AKAP13: variants seen among roughly 807,000 people sequenced by gnomAD.
The protein encoded by AKAP13 is A-kinase anchoring protein 13.
In AKAP13, 80 loss-of-function variants were observed where a neutral mutation model predicts 264.5. The ratio of observed to expected loss-of-function variants is 0.30; its 90% confidence interval spans 0.25 to 0.36. The LOEUF is 0.36. AKAP13 is among the 10% of genes least tolerant of loss of function. The pLI is 1.00. For synonymous variants in AKAP13, 1,380 were observed against 1,250.2 expected (o/e 1.10, Z -2.19); for missense variants, 3,712 against 3,435.2 (o/e 1.08, Z -2.01).
chr15:85,582,173 T>C (rs2079153160), intron 7 of AKAP13, 66 bp downstream of exon 7: 1 of 1,484,070 alleles, frequency 6.7e-7, no homozygotes, highest in African/African-American at 1.4e-5. Flanking sequence ...CACTGTGGTG[T>C]CCTGGTAAAA....
chr15:85,615,823 G>C (rs1274305074), intron 8 of AKAP13, among the ~76,000 whole-genome samples: 1 of 152,136 alleles, frequency 6.6e-6, no homozygotes, highest in Admixed American at 6.5e-5. Context: ...TCTCAGACTG[G>C]CAGTATATAA....
intron 14 of AKAP13, among the ~76,000 whole-genome samples, chr15:85,674,550 G>A (rs957494221): frequency 6.6e-6 from 1 of 152,138 alleles, no homozygotes; most frequent in African/African-American, 2.4e-5. Flanking sequence ...TTTGCTTATG[G>A]CATGTGAGTT....
chr15:85,730,983 A>C (rs2151751611), intron 30 of AKAP13, among the ~76,000 whole-genome samples: 1 of 138,990 alleles, frequency 7.2e-6, no homozygotes, highest in South Asian at 2.4e-4. Context: ...CTGTTTTTTA[A>C]TTAGTCACTT....
intron 33 of AKAP13, among the ~76,000 whole-genome samples, chr15:85,737,068 G>A (rs1186994404): frequency 6.6e-6 from 1 of 151,872 alleles, no homozygotes; most frequent in Non-Finnish European, 1.5e-5. Context: ...ATAGGCATAC[G>A]CCACTACACC....
At chr15:85,415,384 C>G in intron 1 of AKAP13, 1 of 1,602,070 alleles carries the variant, frequency 6.2e-7, no homozygotes, top group Non-Finnish European at 8.5e-7. Context: ...AAAAACCTCA[C>G]CATAAAAACC....
intron 8 of AKAP13, among the ~76,000 whole-genome samples, chr15:85,613,700 A>ATGTATGTG: frequency 8.2e-6 from 1 of 121,350 alleles, no homozygotes; most frequent in African/African-American, 3.0e-5. Flanking sequence ...AAATATATAT[A>ATGTATGTG]TATATATATA....
chr15:85,458,369 C>CT (rs908275822), intron 1 of AKAP13, among the ~76,000 whole-genome samples: 7 of 121,474 alleles, frequency 5.8e-5, no homozygotes, highest in Admixed American at 1.6e-4. Context: ...CTTTTTTTCT[C>CT]TTTTTTTGTA....
At chr15:85,685,549 A>G (rs1018246750) in intron 16 of AKAP13, 7 of 152,050 alleles carry the variant, frequency 4.6e-5, no homozygotes, top group African/African-American at 1.7e-4. Context: ...CAGTGGCGTG[A>G]CCATAGCTCA....
At chr15:85,516,061 T>C (rs1949596887) in intron 2 of AKAP13, among the ~76,000 whole-genome samples, 1 of 152,228 alleles carries the variant, frequency 6.6e-6, no homozygotes, top group South Asian at 2.1e-4. Context: ...AAATTCCACC[T>C]AGGAATAACT....
chr15:85,443,772 AGTGTG>A (rs1270109129), intron 1 of AKAP13, among the ~76,000 whole-genome samples: 4 of 145,970 alleles, frequency 2.7e-5, no homozygotes, highest in Non-Finnish European at 6.0e-5. Context: ...AAAAAAAAAA[AGTGTG>A]TGTGTGTGTG....
chr15:85,520,215 G>T (rs139028773), intron 2 of AKAP13, among the ~76,000 whole-genome samples: 2 of 152,044 alleles, frequency 1.3e-5, no homozygotes, highest in Non-Finnish European at 2.9e-5. Flanking sequence ...AGTATTTGCG[G>T]CTGGGTACGG....
At chr15:85,624,745 C>G (rs576067299) in intron 8 of AKAP13, 2 of 152,252 alleles carry the variant, frequency 1.3e-5, no homozygotes, top group South Asian at 2.1e-4. Context: ...TGTTCAGATA[C>G]GAACAGTAAC....
chr15:85,605,049 T>C (rs943615743), intron 8 of AKAP13, among the ~76,000 whole-genome samples: 6 of 152,136 alleles, frequency 3.9e-5, no homozygotes, highest in African/African-American at 2.4e-5. Context: ...GTGCCCCTGG[T>C]AATAATTTAT....
chr15:85,434,986 G>T (rs1596158470), intron 1 of AKAP13, among the ~76,000 whole-genome samples: 1 of 151,368 alleles, frequency 6.6e-6, no homozygotes, highest in African/African-American at 2.4e-5. Flanking sequence ...ACTTTGACGA[G>T]CTGAGAGAAG....
intron 1 of AKAP13, among the ~76,000 whole-genome samples, chr15:85,416,506 T>C (rs904044898): frequency 2.0e-5 from 3 of 152,230 alleles, no homozygotes; most frequent in African/African-American, 7.2e-5. Context: ...TGGACATGAC[T>C]GGTAGCTACG....
chr15:85,744,758 C>T lies in AKAP13; in HGVS notation c.*81C>T. ...CTGCTGTCCCCGCGTGCACAAGTCT[C>T]TTACACTGGACGCCCACTGCTCCTC... On this transcript the variant is annotated 3_prime_UTR_variant, in exon 37 of 37. Coordinates refer to ENST00000394518, the MANE Select transcript of AKAP13 (RefSeq NM_007200.5). 1 of 1,349,408 alleles carries T rather than the reference C, an allele frequency of 7.4e-7. No homozygotes were observed. Among genetic ancestry groups the T allele is most frequent in the African/African-American group, 1.5e-5 (1 of 67,892 alleles). The allele number at this position is 1,349,408 out of a possible 1,614,324, so 83.6% of individuals were successfully genotyped here.
chr15:85,489,002 C>G (rs1162601793), intron 2 of AKAP13, among the ~76,000 whole-genome samples: 1 of 152,168 alleles, frequency 6.6e-6, no homozygotes, highest in Non-Finnish European at 1.5e-5. Context: ...GCAGTTAGGT[C>G]AGTTAGAAAC....
chr15:85,444,592 G>C (rs907079971), intron 1 of AKAP13, among the ~76,000 whole-genome samples: 1 of 152,144 alleles, frequency 6.6e-6, no homozygotes, highest in Non-Finnish European at 1.5e-5. Context: ...AAGAAAATCT[G>C]TAAGTGAAAT....
intron 6 of AKAP13, 58 bp from the exon 7 acceptor site, chr15:85,578,872 G>A: frequency 6.5e-7 from 1 of 1,545,096 alleles, no homozygotes; most frequent in Admixed American, 1.8e-5. Context: ...GCTCAGAGGT[G>A]TCAGTGACAT....
Sources: allele counts gnomAD v4.1 joint callset (sites outside exome capture counted in the v4.1 genomes callset), GRCh38; gene constraint gnomAD v4.1.1; transcripts MANE v1.5; gene names NCBI Gene and HGNC (gene_info 2026-07-23, HGNC 2026-07-21).